The following ZCCHC7 variants were observed in gnomAD, a reference collection of about 807,000 sequenced individuals.
ZCCHC7 encodes zinc finger CCHC domain-containing protein 7.
A neutral mutation model predicts 52.0 loss-of-function variants in ZCCHC7; 35 were observed. That is an observed-to-expected ratio of 0.67 (90% CI 0.51 to 0.89). ZCCHC7 has a LOEUF of 0.89. Ranked by LOEUF, ZCCHC7 falls within the 40% of genes least tolerant of loss-of-function variation. ZCCHC7 has a pLI of 0.00. For missense variants in ZCCHC7, 574 were observed against 649.1 expected, an observed-to-expected ratio of 0.88 and a Z score of 1.26; for synonymous variants, 217 against 221.5, an observed-to-expected ratio of 0.98 and a Z score of 0.18.
intron 6 of ZCCHC7, among the ~76,000 whole-genome samples, chr9:37,338,451 A>C (rs538103731): frequency 6.6e-6 from 1 of 152,340 alleles, no homozygotes; most frequent in South Asian, 2.1e-4. Context: ...AGACATAAGT[A>C]TACAAACATA....
chr9:37,155,253 C>T (rs1040994163), intron 2 of ZCCHC7, among the ~76,000 whole-genome samples: 5 of 151,084 alleles, frequency 3.3e-5, no homozygotes, highest in Non-Finnish European at 7.4e-5. Flanking sequence ...CCCGGCTACT[C>T]GGGAGGCTGA....
chr9:37,166,022 T>C (rs969617284), intron 2 of ZCCHC7, among the ~76,000 whole-genome samples: 1 of 152,244 alleles, frequency 6.6e-6, no homozygotes, highest in Non-Finnish European at 1.5e-5. Flanking sequence ...CTGGTTCATG[T>C]GTTTGGAGGA....
Position 37,187,786 on chromosome 9 carries a change from AT to A in ZCCHC7, c.610+60857del, listed in dbSNP as rs1301744789. Among the ~76,000 whole-genome samples the A allele has an allele frequency of 5.1e-3, 746 of 146,610 alleles. 3 individuals carry two copies. The highest frequency in any genetic ancestry group is 9.2e-3 in the African/African-American group (371 of 40,184). ...GTGTTGGGTGTTCAGTACAGATGCAATTTTTTTTTTTTTAAATTTTCGATAC... is the reference window on the plus strand; with the variant it reads ...GTGTTGGGTGTTCAGTACAGATGCAATTTTTTTTTTTTAAATTTTCGATAC... On this transcript the variant is annotated intron_variant, in intron 2 of 8. Coordinates refer to ENST00000336755, the MANE Select transcript of ZCCHC7 (RefSeq NM_032226.3).
chr9:37,327,725 G>A (rs1465541810), intron 5 of ZCCHC7, 74 bp from the exon 6 acceptor site: 2 of 1,550,072 alleles, frequency 1.3e-6, no homozygotes, highest in Non-Finnish European at 1.8e-6. Context: ...GTGGATGCTG[G>A]GTTATGCCAA....
At chr9:37,173,599 T>G (rs1173695663) in intron 2 of ZCCHC7, among the ~76,000 whole-genome samples, 1 of 152,224 alleles carries the variant, frequency 6.6e-6, no homozygotes, top group East Asian at 1.9e-4. Flanking sequence ...CTATATATTT[T>G]TACAGCACGT....
intron 5 of ZCCHC7, among the ~76,000 whole-genome samples, chr9:37,314,215 T>A (rs1032784541): frequency 6.6e-6 from 1 of 152,196 alleles, no homozygotes; most frequent in African/African-American, 2.4e-5. Context: ...AAGGGAAATA[T>A]TGTCTACTTC....
At chr9:37,296,800 C>T (rs747011774) in intron 2 of ZCCHC7, among the ~76,000 whole-genome samples, 16 of 152,150 alleles carry the variant, frequency 1.1e-4, no homozygotes, top group Admixed American at 6.5e-4. Flanking sequence ...GCAGCCTCAA[C>T]CTCCAGGGCT....
intron 2 of ZCCHC7, among the ~76,000 whole-genome samples, chr9:37,224,168 G>A (rs1412755897): frequency 2.0e-5 from 3 of 152,002 alleles, no homozygotes; most frequent in African/African-American, 4.8e-5. Flanking sequence ...TACCGCTTGC[G>A]AGAGTTTGAG....
At chr9:37,253,981 C>T (rs959770055) in intron 2 of ZCCHC7, among the ~76,000 whole-genome samples, 14 of 151,844 alleles carry the variant, frequency 9.2e-5, no homozygotes, top group African/African-American at 3.1e-4. Context: ...TTTTCTTTAA[C>T]GTGAACCAAA....
At chr9:37,139,222 T>C (rs1026080087) in intron 2 of ZCCHC7, among the ~76,000 whole-genome samples, 2 of 152,054 alleles carry the variant, frequency 1.3e-5, no homozygotes, top group African/African-American at 4.8e-5. Flanking sequence ...CTTTGTTTTG[T>C]TATAAATTAA....
intron 2 of ZCCHC7, among the ~76,000 whole-genome samples, chr9:37,273,272 G>A (rs900359653): frequency 6.6e-6 from 1 of 152,166 alleles, no homozygotes. Context: ...GGGAGGCCGA[G>A]GTGGGCAGAT....
chr9:37,253,058 A>G (rs905436147), intron 2 of ZCCHC7, among the ~76,000 whole-genome samples: 2 of 152,118 alleles, frequency 1.3e-5, no homozygotes, highest in Admixed American at 6.5e-5. Context: ...TCATATTCCC[A>G]TAAATAAGAA....
intron 2 of ZCCHC7, among the ~76,000 whole-genome samples, chr9:37,301,062 A>C (rs567209022): frequency 6.6e-6 from 1 of 152,064 alleles, no homozygotes; most frequent in Non-Finnish European, 1.5e-5. Flanking sequence ...TATTAGTGAG[A>C]TATTATTCAG....
At chr9:37,167,150 C>G (rs1258962780) in intron 2 of ZCCHC7, among the ~76,000 whole-genome samples, 1 of 151,352 alleles carries the variant, frequency 6.6e-6, no homozygotes, top group African/African-American at 2.4e-5. Context: ...TTACTTTTTT[C>G]TCTCTGTTTT....
intron 2 of ZCCHC7, among the ~76,000 whole-genome samples, chr9:37,130,045 C>T (rs1215897859): frequency 2.0e-5 from 3 of 152,060 alleles, no homozygotes; most frequent in African/African-American, 7.2e-5. Context: ...TCGAGACCAG[C>T]CTGGCCAACA....
intron 2 of ZCCHC7, among the ~76,000 whole-genome samples, chr9:37,219,191 A>G (rs1477083827): frequency 6.6e-6 from 1 of 152,228 alleles, no homozygotes; most frequent in African/African-American, 2.4e-5. Context: ...GGAATTGTCA[A>G]ACTCTGGCCC....
intron 6 of ZCCHC7, among the ~76,000 whole-genome samples, chr9:37,337,845 A>T: frequency 6.6e-6 from 1 of 152,270 alleles, no homozygotes; most frequent in African/African-American, 2.4e-5. Context: ...TTGTGTCACT[A>T]TGTAGGTAGT....
intron 2 of ZCCHC7, among the ~76,000 whole-genome samples, chr9:37,272,296 AATCT>A (rs1827455715): frequency 1.3e-5 from 2 of 152,214 alleles, no homozygotes; most frequent in South Asian, 4.1e-4. Flanking sequence ...TTGGCTCTTT[AATCT>A]TTTCTCATTC....
At chr9:37,229,877 ATTTG>A (rs1825314797) in intron 2 of ZCCHC7, among the ~76,000 whole-genome samples, 2 of 152,160 alleles carry the variant, frequency 1.3e-5, no homozygotes, top group African/African-American at 2.4e-5. Flanking sequence ...TGCAAAAATA[ATTTG>A]TTTGTATCCT....
Sources: allele counts gnomAD v4.1 joint callset (sites outside exome capture counted in the v4.1 genomes callset), GRCh38; gene constraint gnomAD v4.1.1; transcripts MANE v1.5; gene names NCBI Gene and HGNC (gene_info 2026-07-23, HGNC 2026-07-21).